The following SUSD1 variants were observed in gnomAD, a reference collection of about 807,000 sequenced individuals.
SUSD1 encodes the protein sushi domain-containing protein 1.
A neutral mutation model predicts 86.9 loss-of-function variants in SUSD1; 65 were observed. The ratio of observed to expected loss-of-function variants is 0.75; its 90% CI spans 0.61 to 0.92. The LOEUF (loss-of-function observed/expected upper bound fraction) is 0.92, where lower values mean the gene tolerates loss of function less well. Ranked by LOEUF, SUSD1 falls within the 40% of genes least tolerant of loss-of-function variation. The pLI is 0.00. For missense variants in SUSD1, 850 were observed against 929.7 expected (o/e 0.91, Z 1.11); for synonymous variants, 346 against 350.0 (o/e 0.99, Z 0.13).
At chr9:112,103,041 A>G (rs993449334) in intron 8 of SUSD1, 1 of 363,348 alleles carries the variant, frequency 2.8e-6, no homozygotes, top group African/African-American at 2.2e-5. Context: ...TTCAAGAAAA[A>G]GCAAATTTCC....
intron 14 of SUSD1, among the ~76,000 whole-genome samples, chr9:112,053,496 AGAAT>A (rs1828311339): frequency 7.1e-6 from 1 of 140,376 alleles, no homozygotes; most frequent in African/African-American, 2.7e-5. Flanking sequence ...CCTGGGCAAC[AGAAT>A]GAGACTTCGT....
chr9:112,085,120 AC>A (rs1214102694), intron 10 of SUSD1, among the ~76,000 whole-genome samples: 1 of 152,206 alleles, frequency 6.6e-6, no homozygotes, highest in Non-Finnish European at 1.5e-5. Context: ...TTAAACAATC[AC>A]AGCAGCTATG....
intron 5 of SUSD1, among the ~76,000 whole-genome samples, chr9:112,138,241 A>ATATATATATATATATATATATGTATATG (rs1832367020): frequency 9.1e-6 from 1 of 110,136 alleles, no homozygotes; most frequent in African/African-American, 4.0e-5. Flanking sequence ...AAATGTGTAT[A>ATATATATATATATATATATATGTATATG]TATATATATA....
At chr9:112,063,535 G>C (rs1828827392) in intron 12 of SUSD1, among the ~76,000 whole-genome samples, 1 of 152,188 alleles carries the variant, frequency 6.6e-6, no homozygotes, top group Non-Finnish European at 1.5e-5. Flanking sequence ...TTTGCTTGGT[G>C]GGTAGATTCC....
In SUSD1 at chr9:112,047,769, T is replaced by A. The variant is rs186923841; in HGVS notation, c.2149+4630A>T. Among the ~76,000 whole-genome samples, 5 of 152,284 alleles carry A rather than the reference T, an allele frequency of 3.3e-5. 1 individual carries two copies. In the Middle Eastern group the frequency reaches 0.014, roughly 414 times the overall value. On this transcript the variant is annotated intron_variant, in intron 15 of 16. Coordinates refer to ENST00000374270, the MANE Select transcript of SUSD1 (RefSeq NM_022486.5). ...TTGCTTCCTGTGTCATCACATGATC[T>A]CTTTGTATATACCTGCTGGCTTTTC...
At chr9:112,091,045 T>A (rs990527329) in intron 10 of SUSD1, among the ~76,000 whole-genome samples, 4 of 152,196 alleles carry the variant, frequency 2.6e-5, no homozygotes, top group Admixed American at 2.0e-4. Flanking sequence ...ATCTACAAGG[T>A]CACTAACTTA....
intron 12 of SUSD1, among the ~76,000 whole-genome samples, chr9:112,072,752 A>G (rs151094044): frequency 6.6e-6 from 1 of 152,220 alleles, no homozygotes; most frequent in African/African-American, 2.4e-5. Flanking sequence ...CTGTGGAAGC[A>G]TGGAAGGGCA....
intron 5 of SUSD1, 128 bp downstream of exon 5, chr9:112,142,192 T>C (rs2131753809): frequency 8.1e-6 from 6 of 744,078 alleles, no homozygotes. Flanking sequence ...TGAAAATCTA[T>C]GAGAAACAAA....
chr9:112,130,863 A>T (rs1435622519), intron 5 of SUSD1, among the ~76,000 whole-genome samples: 1 of 151,618 alleles, frequency 6.6e-6, no homozygotes, highest in Non-Finnish European at 1.5e-5. Flanking sequence ...AAAAAAAAAA[A>T]ATACAATAAC....
intron 12 of SUSD1, among the ~76,000 whole-genome samples, chr9:112,077,128 G>T (rs1475351722): frequency 6.6e-6 from 1 of 152,086 alleles, no homozygotes; most frequent in African/African-American, 2.4e-5. Flanking sequence ...TTCACAAGGA[G>T]GATGTTGCAA....
intron 1 of SUSD1, among the ~76,000 whole-genome samples, chr9:112,167,337 A>G (rs1348333383): frequency 7.9e-5 from 12 of 152,124 alleles, no homozygotes; most frequent in Admixed American, 7.9e-4. Context: ...TCCTGGGCTC[A>G]ATCGATATTC....
intron 10 of SUSD1, among the ~76,000 whole-genome samples, chr9:112,086,942 T>C (rs978888460): frequency 3.3e-5 from 5 of 151,352 alleles, no homozygotes; most frequent in African/African-American, 4.8e-5. Context: ...AATTCTGTCC[T>C]GGGAATTAAC....
intron 3 of SUSD1, among the ~76,000 whole-genome samples, 179 bp from the exon 4 acceptor site, chr9:112,143,802 G>C (rs1036070820): frequency 6.6e-6 from 1 of 151,898 alleles, no homozygotes; most frequent in Non-Finnish European, 1.5e-5. Flanking sequence ...CTCATATATC[G>C]TTCATATCAT....
intron 5 of SUSD1, among the ~76,000 whole-genome samples, chr9:112,129,947 A>G (rs1475701221): frequency 6.6e-6 from 1 of 152,246 alleles, no homozygotes; most frequent in East Asian, 1.9e-4. Context: ...TTCCATATTT[A>G]TTATCCAACA....
chr9:112,081,489 G>C (rs1180680376), intron 10 of SUSD1, among the ~76,000 whole-genome samples: 1 of 152,226 alleles, frequency 6.6e-6, no homozygotes, highest in Non-Finnish European at 1.5e-5. Context: ...GGTTAATGCA[G>C]ACCCACAGCT....
chr9:112,141,816 A>G lies in SUSD1; in HGVS notation c.706+504T>C, dbSNP rs138292615. ...ATATTGTATATATTGTATATTATAT[A>G]TAATATATGTTATTCCCACATGACG... On this transcript the variant is annotated intron_variant, in intron 5 of 16. Transcript: ENST00000374270. Among the ~76,000 whole-genome samples, 80 of 142,006 alleles carry G rather than the reference A, an allele frequency of 5.6e-4. No individual in the cohort carries two copies. In the East Asian group the frequency reaches 0.01, roughly 19 times the overall value. 93.2% of individuals were successfully genotyped at this position (142,006 alleles called of 152,430 possible). A position where few individuals can be genotyped will look rare whatever the true frequency, so the allele number is the denominator to read the frequency against.
At chr9:112,108,774 C>CAAAAAAAAAAAAAAAA (rs11312103) in intron 8 of SUSD1, among the ~76,000 whole-genome samples, 9 of 68,594 alleles carry the variant, frequency 1.3e-4, no homozygotes, top group Non-Finnish European at 1.9e-4. Context: ...CTGGGTGTCT[C>CAAAAAAAAAAAAAAAA]AAAAAAAAAA....
chr9:112,133,071 A>G (rs1240105973), intron 5 of SUSD1, among the ~76,000 whole-genome samples: 1 of 152,254 alleles, frequency 6.6e-6, no homozygotes, highest in East Asian at 1.9e-4. Flanking sequence ...TGAGCCCAGC[A>G]GTTTAAGACC....
intron 5 of SUSD1, among the ~76,000 whole-genome samples, chr9:112,128,916 A>T (rs1831896607): frequency 6.6e-6 from 1 of 152,234 alleles, no homozygotes; most frequent in Non-Finnish European, 1.5e-5. Context: ...GAGCCAAACC[A>T]CACAGGGCCT....
Sources: allele counts gnomAD v4.1 joint callset (sites outside exome capture counted in the v4.1 genomes callset), GRCh38; gene constraint gnomAD v4.1.1; transcripts MANE v1.5; gene names NCBI Gene and HGNC (gene_info 2026-07-23, HGNC 2026-07-21).